PDE7B: variants seen among roughly 807,000 people sequenced by gnomAD.
PDE7B encodes phosphodiesterase 7B.
Under a neutral mutation model 56.2 loss-of-function variants are expected in PDE7B, and 29 were observed. That is an observed-to-expected ratio of 0.52 (90% confidence interval 0.38 to 0.70). The LOEUF (loss-of-function observed/expected upper bound fraction) is 0.70. Ranked by LOEUF, PDE7B falls within the 30% of genes least tolerant of loss-of-function variation. The pLI, the probability that PDE7B is intolerant of heterozygous loss-of-function variation, is 0.00. For synonymous variants in PDE7B, 197 were observed against 196.9 expected, an observed-to-expected ratio of 1.00 and a Z score of 0.00; for missense variants, 490 against 565.0, an observed-to-expected ratio of 0.87 and a Z score of 1.35.
intron 1 of PDE7B, among the ~76,000 whole-genome samples, chr6:135,871,736 A>G (rs1391007222): frequency 6.6e-6 from 1 of 152,000 alleles, no homozygotes; most frequent in Non-Finnish European, 1.5e-5. Flanking sequence ...ATTGGCTACA[A>G]TAATCACTTT....
intron 2 of PDE7B, among the ~76,000 whole-genome samples, chr6:136,011,546 C>T (rs1333004486): frequency 6.6e-6 from 1 of 152,210 alleles, no homozygotes; most frequent in Non-Finnish European, 1.5e-5. Flanking sequence ...TTGCAATATA[C>T]TTGTGTCCAA....
intron 2 of PDE7B, among the ~76,000 whole-genome samples, chr6:136,052,802 G>C (rs948012190): frequency 6.6e-6 from 1 of 152,224 alleles, no homozygotes; most frequent in East Asian, 1.9e-4. Context: ...ATACACATTG[G>C]TAAGGTGCTC....
chr6:136,179,292 G>A, intron 10 of PDE7B, 151 bp downstream of exon 10: 1 of 656,412 alleles, frequency 1.5e-6, no homozygotes. Flanking sequence ...AGTGAGCTAT[G>A]ATTGCACCAC....
intron 2 of PDE7B, among the ~76,000 whole-genome samples, chr6:136,101,355 G>C (rs1017047557): frequency 1.3e-5 from 2 of 152,128 alleles, no homozygotes; most frequent in African/African-American, 2.4e-5. Context: ...GCTCCTCTTT[G>C]TACCTCTGGT....
intron 2 of PDE7B, chr6:136,038,257 C>G: frequency 7.7e-7 from 1 of 1,299,982 alleles, no homozygotes; most frequent in Non-Finnish European, 1.0e-6. Context: ...GCACCACCAC[C>G]ACCACTACCT....
intron 2 of PDE7B, among the ~76,000 whole-genome samples, chr6:136,031,738 CAAAAAAA>C (rs36015213): frequency 1.8e-5 from 2 of 109,972 alleles, no homozygotes; most frequent in African/African-American, 3.4e-5. Flanking sequence ...GACTCCGTCT[CAAAAAAA>C]AAAAAAAAAA....
intron 2 of PDE7B, among the ~76,000 whole-genome samples, chr6:135,993,472 C>T (rs979908235): frequency 2.0e-5 from 3 of 152,158 alleles, no homozygotes; most frequent in Admixed American, 6.6e-5. Flanking sequence ...GTGACTCTAA[C>T]GTTCAGCCAG....
At chr6:135,874,498 G>A (rs1225209180) in intron 1 of PDE7B, among the ~76,000 whole-genome samples, 1 of 152,126 alleles carries the variant, frequency 6.6e-6, no homozygotes, top group Non-Finnish European at 1.5e-5. Flanking sequence ...ATTATTTGAA[G>A]TGGTTACTTT....
chr6:136,169,327 G>T (rs1328382786), intron 8 of PDE7B, among the ~76,000 whole-genome samples: 1 of 152,082 alleles, frequency 6.6e-6, no homozygotes, highest in Non-Finnish European at 1.5e-5. Context: ...CTTCCACAAA[G>T]GCTGTGTTTG....
At chr6:135,964,462 A>T (rs1456964759) in intron 2 of PDE7B, among the ~76,000 whole-genome samples, 1 of 152,150 alleles carries the variant, frequency 6.6e-6, no homozygotes, top group Non-Finnish European at 1.5e-5. Context: ...GTGGCTTCCC[A>T]AAAGTATATA....
chr6:136,062,531 A>G (rs969908637), intron 2 of PDE7B, among the ~76,000 whole-genome samples: 1 of 152,214 alleles, frequency 6.6e-6, no homozygotes, highest in Admixed American at 6.5e-5. Flanking sequence ...TCTCCAGAAT[A>G]TATTCATCTT....
At chr6:136,109,598 CA>C (rs1337849127) in intron 3 of PDE7B, among the ~76,000 whole-genome samples, 3 of 152,174 alleles carry the variant, frequency 2.0e-5, no homozygotes. Context: ...GGGCAAAATC[CA>C]AAGCACTTGC....
intron 2 of PDE7B, among the ~76,000 whole-genome samples, chr6:136,006,507 T>G (rs1433661085): frequency 6.6e-6 from 1 of 152,152 alleles, no homozygotes; most frequent in Non-Finnish European, 1.5e-5. Context: ...TTGGGAAGCA[T>G]GGCCATTTCA....
chr6:136,009,271 T>C (rs1164977020), intron 2 of PDE7B, among the ~76,000 whole-genome samples: 3 of 152,010 alleles, frequency 2.0e-5, no homozygotes, highest in Non-Finnish European at 4.4e-5. Context: ...GGTAGCATGA[T>C]GCCTCCAGCT....
intron 2 of PDE7B, among the ~76,000 whole-genome samples, chr6:135,956,121 G>A (rs1023445307): frequency 6.6e-6 from 1 of 152,112 alleles, no homozygotes; most frequent in African/African-American, 2.4e-5. Context: ...GGAGCCTATG[G>A]AAGCCTAACT....
intron 2 of PDE7B, among the ~76,000 whole-genome samples, chr6:136,068,588 G>A (rs1487758244): frequency 6.6e-6 from 1 of 151,870 alleles, no homozygotes; most frequent in Non-Finnish European, 1.5e-5. Flanking sequence ...CCGCCACCAC[G>A]CCCGGCTAAT....
chr6:136,180,121 T>C (rs1467352095), intron 10 of PDE7B, among the ~76,000 whole-genome samples: 1 of 152,218 alleles, frequency 6.6e-6, no homozygotes, highest in Admixed American at 6.5e-5. Flanking sequence ...TGGTGCAGTC[T>C]TTTTTGTTCC....
intron 2 of PDE7B, among the ~76,000 whole-genome samples, chr6:136,106,358 T>G (rs905983433): frequency 2.0e-5 from 3 of 152,244 alleles, no homozygotes; most frequent in African/African-American, 7.2e-5. Flanking sequence ...ATTTCTTTTT[T>G]CATTTTAAAA....
chr6:135,870,124 G>A (rs750335302), intron 1 of PDE7B, among the ~76,000 whole-genome samples: 1 of 152,200 alleles, frequency 6.6e-6, no homozygotes, highest in Non-Finnish European at 1.5e-5. Context: ...GCTGGTGGGT[G>A]TTGTAGGCAA....
Sources: gnomAD v4.1 joint callset for allele counts (sites outside exome capture counted in the v4.1 genomes callset) on GRCh38, gnomAD v4.1.1 for gene constraint, MANE v1.5 for transcripts, NCBI Gene and HGNC (gene_info 2026-07-23, HGNC 2026-07-21) for gene names.